KIF26B: variants seen among roughly 807,000 people sequenced by gnomAD.
KIF26B encodes the protein kinesin-like protein KIF26B.
A neutral mutation model predicts 151.2 loss-of-function variants in KIF26B; 63 were observed. The ratio of observed to expected loss-of-function variants is 0.42; its 90% CI spans 0.34 to 0.51. The LOEUF (loss-of-function observed/expected upper bound fraction) is 0.51. KIF26B is among the 20% of genes least tolerant of loss of function. The probability of loss-of-function intolerance (pLI) is 0.07; values close to 1 mark genes in which losing one functional copy is unlikely to be tolerated. For missense variants in KIF26B, 2,813 were observed against 2,913.6 expected (o/e 0.97, Z 0.79); for synonymous variants, 1,357 against 1,262.1 (o/e 1.08, Z -1.59).
chr1:245,313,545 A>G (rs1416131949), intron 2 of KIF26B, among the ~76,000 whole-genome samples: 1 of 152,184 alleles, frequency 6.6e-6, no homozygotes, highest in African/African-American at 2.4e-5. Flanking sequence ...AGACCCGGAA[A>G]TACTGGTGAC....
In KIF26B at chr1:245,156,400, C is replaced by T; in HGVS notation, c.182C>T (p.Ser61Leu). 1 of 1,537,042 alleles carries T rather than the reference C, an allele frequency of 6.5e-7. No homozygotes were observed. Among genetic ancestry groups the T allele is most frequent in the South Asian group, 1.2e-5 (1 of 83,534 alleles). The change falls in exon 2 of 15, where the codon TCA becomes TTA. Residue 61 changes from serine to leucine, a missense_variant. Physicochemically the swap from Ser to Leu is moderately radical, Grantham distance 145. This residue lies in a region of KIF26B where 676 missense variants were observed against 688.1 expected (regional missense o/e 0.98). Transcript: ENST00000407071. ...GSRPTPEGAG[S>L]ALGSSGTPSP... is the part of the protein sequence containing the mutation. ...CGGCCCACTCCTGAGGGCGCGGGCTCAGCGCTCGGCTCCTCGGGGACCCCG... is the reference window on the plus strand; with the variant it reads ...CGGCCCACTCCTGAGGGCGCGGGCTTAGCGCTCGGCTCCTCGGGGACCCCG...
intron 2 of KIF26B, among the ~76,000 whole-genome samples, chr1:245,184,055 T>G (rs1034579930): frequency 4.4e-5 from 5 of 112,598 alleles, no homozygotes; most frequent in Non-Finnish European, 7.7e-5. Flanking sequence ...TTGTTGTTTT[T>G]TTTTTTTTTT....
chr1:245,332,506 C>A (rs538286777), intron 2 of KIF26B, among the ~76,000 whole-genome samples: 10 of 152,276 alleles, frequency 6.6e-5, no homozygotes, highest in African/African-American at 1.4e-4. Context: ...CTAGCAAATT[C>A]TTTAGTGAGC....
intron 6 of KIF26B, among the ~76,000 whole-genome samples, chr1:245,607,411 G>A (rs115451988): frequency 6.6e-6 from 1 of 152,170 alleles, no homozygotes; most frequent in Admixed American, 6.5e-5. Context: ...TCGCTGAAAC[G>A]TACCACGGAT....
intron 5 of KIF26B, among the ~76,000 whole-genome samples, chr1:245,573,058 A>G (rs2043080754): frequency 6.6e-6 from 1 of 152,230 alleles, no homozygotes; most frequent in South Asian, 2.1e-4. Context: ...ACACGGAATA[A>G]CAAGCAAAAG....
intron 2 of KIF26B, among the ~76,000 whole-genome samples, chr1:245,229,061 G>A (rs1277509807): frequency 6.6e-6 from 1 of 152,122 alleles, no homozygotes. Flanking sequence ...CCGCCTCCCA[G>A]GTTCAAGCGA....
At chr1:245,482,453 C>T (rs1320564) in intron 4 of KIF26B, among the ~76,000 whole-genome samples, 151,469 of 151,866 alleles carry the variant, frequency 1, 75,540 homozygotes, top group Non-Finnish European at 1. Context: ...TAGAACTAGA[C>T]GAGTATTCAG....
intron 2 of KIF26B, among the ~76,000 whole-genome samples, chr1:245,168,127 A>G (rs1040356595): frequency 1.3e-5 from 2 of 152,182 alleles, no homozygotes; most frequent in Admixed American, 1.3e-4. Flanking sequence ...CAAGCCTGTG[A>G]GTCTCTGTGA....
At chr1:245,519,836 G>A (rs1661049208) in intron 4 of KIF26B, among the ~76,000 whole-genome samples, 1 of 152,084 alleles carries the variant, frequency 6.6e-6, no homozygotes, top group African/African-American at 2.4e-5. Flanking sequence ...TATCTTATGG[G>A]ACCACCAGTA....
chr1:245,208,625 C>G (rs988327294), intron 2 of KIF26B, among the ~76,000 whole-genome samples: 1 of 152,170 alleles, frequency 6.6e-6, no homozygotes, highest in Non-Finnish European at 1.5e-5. Context: ...AGTGAGAAAA[C>G]GAGACTTCTT....
chr1:245,639,268 T>C (rs2043863584), intron 9 of KIF26B, among the ~76,000 whole-genome samples: 1 of 151,924 alleles, frequency 6.6e-6, no homozygotes, highest in Non-Finnish European at 1.5e-5. Context: ...CATATAGTTA[T>C]TCATAATGGT....
chr1:245,526,723 C>T (rs1389848008), intron 4 of KIF26B, among the ~76,000 whole-genome samples: 1 of 152,178 alleles, frequency 6.6e-6, no homozygotes, highest in African/African-American at 2.4e-5. Flanking sequence ...AGGCTTTACT[C>T]GCTCTGCGAA....
chr1:245,522,457 T>C (rs552316062), intron 4 of KIF26B, among the ~76,000 whole-genome samples: 2 of 152,190 alleles, frequency 1.3e-5, no homozygotes, highest in Non-Finnish European at 2.9e-5. Context: ...CCTGTCCCTG[T>C]TCATCTGGCA....
chr1:245,507,537 A>G (rs1454534705), intron 4 of KIF26B, among the ~76,000 whole-genome samples: 1 of 152,158 alleles, frequency 6.6e-6, no homozygotes, highest in East Asian at 1.9e-4. Context: ...CTTCTGCAGC[A>G]TTCTGTGGCT....
chr1:245,632,201 T>C (rs1488832942), intron 9 of KIF26B, among the ~76,000 whole-genome samples: 1 of 152,218 alleles, frequency 6.6e-6, no homozygotes, highest in African/African-American at 2.4e-5. Flanking sequence ...ACTGCTTTTG[T>C]TGTATCCCGT....
intron 12 of KIF26B, among the ~76,000 whole-genome samples, chr1:245,695,775 ACGG>A (rs2044685219): frequency 1.3e-5 from 2 of 150,880 alleles, no homozygotes; most frequent in Non-Finnish European, 3.0e-5. Flanking sequence ...CCCAGCTCAC[ACGG>A]TGCCCTGGCA....
In KIF26B at chr1:245,612,103, TGTGAGAGAGA is replaced by T. The variant is rs1482178334; in HGVS notation, c.2098+129_2098+138del. 5.5e-4 allele frequency: 217 copies of T among 397,584 alleles called. 1 individual carries two copies. Among genetic ancestry groups the T allele is most frequent in the African/African-American group, 4.6e-3 (173 of 37,480 alleles). 24.6% of individuals were successfully genotyped at this position (397,584 alleles called of 1,614,324 possible). ...GTGTGTGTGTGTGTGTGTGTGTGTG[TGTGAGAGAGA>T]GAGAGAGAGAGAGAGAGACAGGGTC... On this transcript the variant is annotated intron_variant, in intron 9 of 14. Transcript: ENST00000407071.
At chr1:245,160,654 T>TAA (rs562217613) in intron 2 of KIF26B, among the ~76,000 whole-genome samples, 3,940 of 145,244 alleles carry the variant, frequency 0.027, 156 homozygotes, top group African/African-American at 0.092. Context: ...ATCTTTTATG[T>TAA]AAAAAAAAAA....
intron 4 of KIF26B, among the ~76,000 whole-genome samples, chr1:245,437,242 C>T (rs899180268): frequency 1.3e-5 from 2 of 152,172 alleles, no homozygotes; most frequent in African/African-American, 2.4e-5. Context: ...TGCAGACTCT[C>T]AGGTGGCACT....
Sources: gnomAD v4.1 joint callset for allele counts (sites outside exome capture counted in the v4.1 genomes callset) on GRCh38, gnomAD v4.1.1 for gene constraint, gnomAD v4.1.1 regional missense constraint, MANE v1.5 for transcripts, NCBI Gene and HGNC (gene_info 2026-07-23, HGNC 2026-07-21) for gene names.